INSC: variants seen among roughly 807,000 people sequenced by gnomAD.
The protein encoded by INSC is INSC spindle orientation adaptor protein.
Under a neutral mutation model 58.6 loss-of-function variants are expected in INSC, and 67 were observed. The observed-to-expected ratio is 1.14, with a 90% CI of 0.94 to 1.40. INSC has a LOEUF of 1.40. INSC is among the 40% of genes most tolerant of loss of function. INSC has a pLI of 0.00. For synonymous variants in INSC, 262 were observed against 276.1 expected, an observed-to-expected ratio of 0.95 and a Z score of 0.51; for missense variants, 714 against 692.0, an observed-to-expected ratio of 1.03 and a Z score of -0.36.
At chr11:15,176,200 C>G in intron 3 of INSC, 114 bp downstream of exon 3, 1 of 830,606 alleles carries the variant, frequency 1.2e-6, no homozygotes. Context: ...GCCTTTCTCC[C>G]CTTCCAGTAA....
chr11:15,185,114 C>T (rs1366721675), intron 5 of INSC, among the ~76,000 whole-genome samples: 1 of 152,078 alleles, frequency 6.6e-6, no homozygotes, highest in Non-Finnish European at 1.5e-5. Context: ...AAGGCTTTTC[C>T]AATTCTTTGC....
At chr11:15,158,313 C>T (rs1019294072) in intron 2 of INSC, among the ~76,000 whole-genome samples, 10 of 150,910 alleles carry the variant, frequency 6.6e-5, no homozygotes, top group African/African-American at 2.2e-4. Flanking sequence ...TCAACTAGTC[C>T]CTGTTTCTCT....
At chr11:15,151,098 T>C (rs1848635232) in intron 2 of INSC, among the ~76,000 whole-genome samples, 1 of 152,136 alleles carries the variant, frequency 6.6e-6, no homozygotes, top group African/African-American at 2.4e-5. Flanking sequence ...TGGTCCCAAC[T>C]CCTGGTCCTT....
chr11:15,144,577 T>C (rs1848448830), intron 1 of INSC, among the ~76,000 whole-genome samples: 1 of 152,196 alleles, frequency 6.6e-6, no homozygotes, highest in Admixed American at 6.5e-5. Flanking sequence ...CTTTCCACAA[T>C]ACTTACTGTC....
chr11:15,186,248 C>CTTT (rs34968510), intron 5 of INSC, among the ~76,000 whole-genome samples: 1 of 148,874 alleles, frequency 6.7e-6, no homozygotes, highest in South Asian at 2.1e-4. Context: ...CTTTCTGCTA[C>CTTT]TTTTTTTTTT....
the INSC span, among the ~76,000 whole-genome samples, chr11:15,256,489 TC>T: frequency 8.4e-6 from 1 of 118,498 alleles, no homozygotes; most frequent in Non-Finnish European, 1.8e-5. Flanking sequence ...AAATTTCATT[TC>T]ATTTTTTTTT....
intron 2 of INSC, among the ~76,000 whole-genome samples, chr11:15,164,637 C>A (rs962106642): frequency 1.2e-4 from 19 of 152,160 alleles, no homozygotes; most frequent in African/African-American, 4.6e-4. Flanking sequence ...CCAGTAAATA[C>A]CCAGAGGCTA....
intron 2 of INSC, among the ~76,000 whole-genome samples, chr11:15,167,380 G>C (rs1271963119): frequency 1.3e-5 from 2 of 152,080 alleles, no homozygotes; most frequent in Non-Finnish European, 2.9e-5. Flanking sequence ...TTTGTTCTAT[G>C]TTTTCTTCTC....
rs1192783471 is a variant in INSC, at chr11:15,169,636, G to T, written c.57-6105G>T. On this transcript the variant is annotated intron_variant, in intron 2 of 12. Coordinates refer to ENST00000379556, the MANE Select transcript of INSC (RefSeq NM_001042536.3). Reference sequence around the variant, plus strand: ...TGCTCACTGCAACCTCTGCCTCCCAGGTTCAAGTGATTCTCCTGCCTCAAC... The same window carrying T: ...TGCTCACTGCAACCTCTGCCTCCCATGTTCAAGTGATTCTCCTGCCTCAAC... 2.0e-5 allele frequency among the ~76,000 whole-genome samples: 3 copies of T among 152,100 alleles called. No individual in the cohort carries two copies. In the East Asian group the frequency reaches 5.8e-4, roughly 29 times the overall value.
chr11:15,263,566 T>C, the INSC span, among the ~76,000 whole-genome samples: 1 of 152,168 alleles, frequency 6.6e-6, no homozygotes, highest in Non-Finnish European at 1.5e-5. Context: ...GTAAGTGAAA[T>C]ACTGTCAATG....
At chr11:15,183,194 A>T (rs930824772) in intron 5 of INSC, among the ~76,000 whole-genome samples, 1 of 151,678 alleles carries the variant, frequency 6.6e-6, no homozygotes, top group African/African-American at 2.4e-5. Context: ...CTAAAAATAT[A>T]AAAAAAATTA....
intron 2 of INSC, among the ~76,000 whole-genome samples, chr11:15,156,843 A>G (rs1848831547): frequency 6.6e-6 from 1 of 152,202 alleles, no homozygotes; most frequent in African/African-American, 2.4e-5. Flanking sequence ...GAGGAAATAT[A>G]GTAGGAAGAA....
intron 10 of INSC, among the ~76,000 whole-genome samples, chr11:15,238,532 C>G (rs1271884112): frequency 6.6e-6 from 1 of 152,174 alleles, no homozygotes; most frequent in African/African-American, 2.4e-5. Flanking sequence ...CCATGTGACA[C>G]TGGGCAAGAT....
At chr11:15,208,208 G>T (rs1470073411) in intron 7 of INSC, among the ~76,000 whole-genome samples, 1 of 152,192 alleles carries the variant, frequency 6.6e-6, no homozygotes, top group African/African-American at 2.4e-5. Context: ...GAAGGTCGCA[G>T]ATGCCTCTTC....
At chr11:15,178,550 C>T in intron 5 of INSC, 103 bp downstream of exon 5, 1 of 1,357,646 alleles carries the variant, frequency 7.4e-7, no homozygotes, top group African/African-American at 1.4e-5. Flanking sequence ...CTGATGTGGA[C>T]TTTATTGGGA....
chr11:15,257,829 C>T, the INSC span, among the ~76,000 whole-genome samples: 4 of 152,098 alleles, frequency 2.6e-5, no homozygotes, highest in African/African-American at 9.7e-5. Context: ...GGAGCACAGC[C>T]CTGCCCACCC....
chr11:15,225,489 A>G (rs184150883), intron 8 of INSC, among the ~76,000 whole-genome samples, 161 bp from the exon 9 acceptor site: 21 of 152,338 alleles, frequency 1.4e-4, no homozygotes, highest in Admixed American at 1.0e-3. Context: ...ACCTGGGTAG[A>G]CAGATACTGT....
chr11:15,160,162 G>A (rs1792570), intron 2 of INSC, among the ~76,000 whole-genome samples: 144,989 of 152,200 alleles, frequency 0.95, 69,465 homozygotes, highest in East Asian at 1. Context: ...GATCAGAGGA[G>A]AGACAGAGTG....
intron 12 of INSC, among the ~76,000 whole-genome samples, chr11:15,242,380 A>T (rs763758751): frequency 6.6e-6 from 1 of 152,220 alleles, no homozygotes; most frequent in Non-Finnish European, 1.5e-5. Flanking sequence ...GAGTTGGTGG[A>T]TGCTGAAGAG....
Sources: allele counts gnomAD v4.1 joint callset (sites outside exome capture counted in the v4.1 genomes callset), GRCh38; gene constraint gnomAD v4.1.1; transcripts MANE v1.5; gene names NCBI Gene and HGNC (gene_info 2026-07-23, HGNC 2026-07-21).